DOCK3: variants seen among roughly 807,000 people sequenced by gnomAD.
DOCK3 encodes the protein dedicator of cytokinesis 3, also known as dedicator of cytokinesis protein 3.
DOCK3 carries 60 observed loss-of-function variants against 265.6 expected under a neutral mutation model. The ratio of observed to expected loss-of-function variants is 0.23; its 90% confidence interval spans 0.18 to 0.28. The LOEUF (loss-of-function observed/expected upper bound fraction) is 0.28. Ranked by LOEUF, DOCK3 falls within the 10% of genes least tolerant of loss-of-function variation. The pLI is 1.00. For missense variants in DOCK3, 1,981 were observed against 2,594.3 expected (o/e 0.76, Z 5.14); for synonymous variants, 881 against 938.0 (o/e 0.94, Z 1.11).
At chr3:51,053,076 A>ATATAT (rs1559993850) in intron 5 of DOCK3, among the ~76,000 whole-genome samples, 8 of 34,540 alleles carry the variant, frequency 2.3e-4, no homozygotes, top group Non-Finnish European at 3.9e-4. Flanking sequence ...AAAAAAGTCA[A>ATATAT]AGATATATAT....
chr3:50,962,552 T>C (rs185667164), intron 5 of DOCK3, among the ~76,000 whole-genome samples: 8 of 152,340 alleles, frequency 5.3e-5, no homozygotes, highest in East Asian at 1.9e-4. Flanking sequence ...AGAGCAACAA[T>C]GGTTTACACC....
chr3:50,938,058 T>G (rs2051491667), intron 5 of DOCK3, among the ~76,000 whole-genome samples: 1 of 151,996 alleles, frequency 6.6e-6, no homozygotes, highest in African/African-American at 2.4e-5. Context: ...ATGCAAACAT[T>G]AATAGAAGAA....
chr3:51,261,189 G>A (rs892406766), intron 23 of DOCK3, among the ~76,000 whole-genome samples: 2 of 151,818 alleles, frequency 1.3e-5, no homozygotes, highest in South Asian at 2.1e-4. Flanking sequence ...AAAGGCAGGT[G>A]ATTTCTGCAT....
At chr3:50,687,496 T>C (rs921643432) in intron 1 of DOCK3, among the ~76,000 whole-genome samples, 14 of 152,246 alleles carry the variant, frequency 9.2e-5, no homozygotes, top group Admixed American at 7.9e-4. Flanking sequence ...TGGCCAGTGA[T>C]CTACCTTTAG....
chr3:50,699,453 A>T (rs1370680718), intron 1 of DOCK3, among the ~76,000 whole-genome samples: 4 of 122,778 alleles, frequency 3.3e-5, no homozygotes, highest in African/African-American at 1.2e-4. Context: ...GTTGTTGGGC[A>T]TTTTTTTTTT....
intron 3 of DOCK3, among the ~76,000 whole-genome samples, chr3:50,883,684 A>G (rs2048175395): frequency 6.6e-6 from 1 of 151,976 alleles, no homozygotes. Context: ...TGTCTTCTAT[A>G]TTTTCATTGA....
At chr3:51,286,527 A>G (rs978660654) in intron 27 of DOCK3, among the ~76,000 whole-genome samples, 145 of 152,360 alleles carry the variant, frequency 9.5e-4, no homozygotes, top group South Asian at 8.3e-4. Flanking sequence ...CTAAGCAAAA[A>G]GAACAAAGCT....
chr3:51,370,665 ATCT>A (rs1377667852), intron 49 of DOCK3, among the ~76,000 whole-genome samples: 3 of 152,360 alleles, frequency 2.0e-5, no homozygotes, highest in Middle Eastern at 3.4e-3. Flanking sequence ...GAGAGAAATT[ATCT>A]TCTTGTCTGG....
intron 32 of DOCK3, among the ~76,000 whole-genome samples, chr3:51,327,018 G>A (rs1004549366): frequency 1.3e-5 from 2 of 152,024 alleles, no homozygotes; most frequent in African/African-American, 4.8e-5. Context: ...TTCTCAACCT[G>A]TAATCACTGG....
chr3:50,900,089 C>G (rs1027898688), intron 4 of DOCK3, among the ~76,000 whole-genome samples: 1 of 152,170 alleles, frequency 6.6e-6, no homozygotes, highest in Non-Finnish European at 1.5e-5. Context: ...TGGTTCCATT[C>G]TCACCGTCAC....
chr3:51,121,543 T>C (rs2084018509), intron 9 of DOCK3, among the ~76,000 whole-genome samples: 1 of 152,168 alleles, frequency 6.6e-6, no homozygotes, highest in Non-Finnish European at 1.5e-5. Flanking sequence ...CAGTGGGGCA[T>C]TATTCCACAG....
intron 1 of DOCK3, among the ~76,000 whole-genome samples, chr3:50,776,090 T>G (rs1182146533): frequency 6.6e-6 from 1 of 152,146 alleles, no homozygotes; most frequent in East Asian, 1.9e-4. Flanking sequence ...TTCTTTTCCT[T>G]TGAGTGGATA....
intron 23 of DOCK3, among the ~76,000 whole-genome samples, chr3:51,267,692 A>G (rs559055905): frequency 1.3e-5 from 2 of 152,208 alleles, no homozygotes; most frequent in Admixed American, 1.3e-4. Flanking sequence ...AGCCACACAC[A>G]TACGTTTATT....
At chr3:51,096,359 A>G (rs1290684022) in intron 9 of DOCK3, among the ~76,000 whole-genome samples, 2 of 149,538 alleles carry the variant, frequency 1.3e-5, no homozygotes, top group African/African-American at 2.5e-5. Context: ...TTTTTTCTCT[A>G]ATCTTTTCTT....
At chr3:50,683,653 C>G (rs1172580186) in intron 1 of DOCK3, among the ~76,000 whole-genome samples, 1 of 152,166 alleles carries the variant, frequency 6.6e-6, no homozygotes, top group Non-Finnish European at 1.5e-5. Flanking sequence ...GGGAAAGATG[C>G]TGCTAAAAAG....
At position 51,279,595 on chromosome 3, in the gene DOCK3, T is replaced by G. The variant is rs538045057; in HGVS notation, c.2824-511T>G. Among the ~76,000 whole-genome samples, 3 of 152,344 alleles carry G rather than the reference T, an allele frequency of 2.0e-5. No individual in the cohort carries two copies. The East Asian group carries it at 5.8e-4, about 29-fold the overall frequency. ...AAAGGTCAGTTTTAACTCCTCTGCCTTTCAGACAGGCATATTGATCTGCGC... is the reference window on the plus strand; with the variant it reads ...AAAGGTCAGTTTTAACTCCTCTGCCGTTCAGACAGGCATATTGATCTGCGC... On this transcript the variant is annotated intron_variant, in intron 26 of 52. Transcript: ENST00000266037.
chr3:50,931,825 G>C (rs1187879246), intron 4 of DOCK3, among the ~76,000 whole-genome samples: 41 of 152,210 alleles, frequency 2.7e-4, no homozygotes, highest in Non-Finnish European at 5.9e-5. Flanking sequence ...CGCTGTGAGA[G>C]AAATTGGAGG....
intron 1 of DOCK3, among the ~76,000 whole-genome samples, chr3:50,738,253 G>A (rs2038772141): frequency 6.6e-6 from 1 of 152,164 alleles, no homozygotes; most frequent in Non-Finnish European, 1.5e-5. Flanking sequence ...GGGTGCTGGT[G>A]TACACCTGAG....
intron 5 of DOCK3, among the ~76,000 whole-genome samples, chr3:50,984,818 A>G (rs1439088612): frequency 6.6e-6 from 1 of 152,228 alleles, no homozygotes; most frequent in Non-Finnish European, 1.5e-5. Flanking sequence ...ATAAAACAAA[A>G]CAGAAATTTA....
Sources: allele counts gnomAD v4.1 joint callset (sites outside exome capture counted in the v4.1 genomes callset), GRCh38; gene constraint gnomAD v4.1.1; transcripts MANE v1.5; gene names NCBI Gene and HGNC (gene_info 2026-07-23, HGNC 2026-07-21).